CDC42BPB: variants seen among roughly 807,000 people sequenced by gnomAD.
CDC42BPB encodes the protein CDC42 binding protein kinase beta.
In CDC42BPB, 37 loss-of-function variants were observed where a neutral mutation model predicts 214.9. The observed-to-expected ratio is 0.17, with a 90% CI of 0.13 to 0.23. The LOEUF is 0.23. Ranked by LOEUF, CDC42BPB falls within the 10% of genes least tolerant of loss-of-function variation. The pLI, the probability that CDC42BPB is intolerant of heterozygous loss-of-function variation, is 1.00. For synonymous variants in CDC42BPB, 931 were observed against 884.0 expected, an observed-to-expected ratio of 1.05 and a Z score of -0.94; for missense variants, 1,694 against 2,227.0, an observed-to-expected ratio of 0.76 and a Z score of 4.82.
chr14:102,981,094 G>A, intron 7 of CDC42BPB, 73 bp from the exon 8 acceptor site: 2 of 1,586,228 alleles, frequency 1.3e-6, no homozygotes, highest in Admixed American at 1.8e-5. Flanking sequence ...AGATATGATA[G>A]GAAACAAAGT....
chr14:103,052,882 G>A (rs185300126), intron 1 of CDC42BPB, among the ~76,000 whole-genome samples: 22 of 152,310 alleles, frequency 1.4e-4, no homozygotes, highest in Admixed American at 1.2e-3. Context: ...CAAATAAGCT[G>A]TGGGAAAAAT....
intron 11 of CDC42BPB, chr14:102,974,362 C>T: frequency 1.0e-6 from 1 of 984,954 alleles, no homozygotes; most frequent in Non-Finnish European, 1.2e-6. Context: ...GCTGAACAGG[C>T]TCCCTAGACT....
At chr14:102,970,342 C>A (rs1159185726) in intron 13 of CDC42BPB, 81 bp from the exon 14 acceptor site, 1 of 1,520,338 alleles carries the variant, frequency 6.6e-7, no homozygotes, top group Non-Finnish European at 8.8e-7. Flanking sequence ...GGGACCTCCA[C>A]AAGAACAAGA....
chr14:102,959,661 A>G lies in CDC42BPB; in HGVS notation c.2871T>C (p.Thr957=), dbSNP rs752147964. The G allele has an allele frequency of 3.7e-6, 6 of 1,611,350 alleles. No individual in the cohort carries two copies. In the South Asian group the frequency reaches 4.4e-5, roughly 12 times the overall value. ...FQDSIFEYFN[T]APLAHDLTFR... is the part of the protein sequence containing the mutation. ...ATGTCAGGTCATGTGCAAGAGGAGC[A>G]GTGTTGAAATACTCAAAAATGGAAT... Residue 957 remains threonine (T), a synonymous_variant, in exon 21 of 37, where the codon ACT becomes ACC. Transcript: ENST00000361246.
At chr14:103,023,597 A>G (rs1886886703) in intron 1 of CDC42BPB, among the ~76,000 whole-genome samples, 1 of 152,198 alleles carries the variant, frequency 6.6e-6, no homozygotes, top group South Asian at 2.1e-4. Context: ...ATGAACCACT[A>G]TACCTGATCC....
At chr14:102,955,378 T>G (rs1276051748) in intron 21 of CDC42BPB, among the ~76,000 whole-genome samples, 1 of 152,142 alleles carries the variant, frequency 6.6e-6, no homozygotes, top group Non-Finnish European at 1.5e-5. Flanking sequence ...CGAGATCAAG[T>G]CATTGCACTC....
At chr14:103,040,569 T>C (rs1216983830) in intron 1 of CDC42BPB, among the ~76,000 whole-genome samples, 1 of 151,840 alleles carries the variant, frequency 6.6e-6, no homozygotes, top group Non-Finnish European at 1.5e-5. Context: ...GGCGATTCTT[T>C]CACCTCAGCC....
chr14:102,994,088 G>A (rs748641539), intron 5 of CDC42BPB, among the ~76,000 whole-genome samples: 4 of 152,166 alleles, frequency 2.6e-5, no homozygotes, highest in Non-Finnish European at 2.9e-5. Context: ...GTAAGGAGGC[G>A]CCGAGACACG....
chr14:102,954,784 G>A (rs2139408568), intron 21 of CDC42BPB, 96 bp from the exon 22 acceptor site: 1 of 1,500,588 alleles, frequency 6.7e-7, no homozygotes, highest in Non-Finnish European at 9.0e-7. Context: ...AGCAGATTCT[G>A]TCTAGCCCAG....
chr14:103,047,712 T>C (rs1052146287), intron 1 of CDC42BPB, among the ~76,000 whole-genome samples: 2 of 152,090 alleles, frequency 1.3e-5, no homozygotes, highest in Non-Finnish European at 2.9e-5. Flanking sequence ...GAGACCAGTC[T>C]GGGCAACATG....
chr14:102,999,531 G>A (rs777671782), intron 5 of CDC42BPB, 34 bp downstream of exon 5: 20 of 1,607,154 alleles, frequency 1.2e-5, no homozygotes, highest in East Asian at 4.5e-5. Flanking sequence ...ACAATTAAAC[G>A]TGGTTTCCAT....
At chr14:103,047,897 T>C (rs1888382824) in intron 1 of CDC42BPB, among the ~76,000 whole-genome samples, 3 of 65,042 alleles carry the variant, frequency 4.6e-5, no homozygotes, top group African/African-American at 8.9e-5. Flanking sequence ...AGCAAGACTC[T>C]GTGTCCAAAA....
At chr14:103,011,415 C>T (rs933004708) in intron 2 of CDC42BPB, among the ~76,000 whole-genome samples, 1 of 152,142 alleles carries the variant, frequency 6.6e-6, no homozygotes, top group Non-Finnish European at 1.5e-5. Context: ...AGTCAAAATT[C>T]AATTAACAAA....
At chr14:103,042,503 G>C (rs565879566) in intron 1 of CDC42BPB, among the ~76,000 whole-genome samples, 2 of 152,154 alleles carry the variant, frequency 1.3e-5, no homozygotes, top group East Asian at 3.9e-4. Context: ...GTAGAGATGG[G>C]GTTTCACCAT....
At chr14:102,938,470 G>C (rs564382541) in intron 34 of CDC42BPB, 59 bp from the exon 35 acceptor site, 460 of 1,503,988 alleles carry the variant, frequency 3.1e-4, no homozygotes, top group Non-Finnish European at 3.5e-4. Context: ...GGCCGGCTGC[G>C]AAGTTTGTGC....
chr14:102,940,635 T>G, intron 30 of CDC42BPB: 1 of 490,472 alleles, frequency 2.0e-6, no homozygotes, highest in East Asian at 4.7e-5. Flanking sequence ...TGAGATGTGA[T>G]TATCCTGAAA....
rs192437710 is a variant in CDC42BPB at position 103,005,912 on chromosome 14, C to T, written c.352-1889G>A. Among the ~76,000 whole-genome samples the T allele has an allele frequency of 6.3e-3, 934 of 148,732 alleles. 12 individuals are homozygous for T. The highest frequency in any genetic ancestry group is 0.022 in the African/African-American group (864 of 40,010). On this transcript the variant is annotated intron_variant, in intron 3 of 36. Coordinates refer to ENST00000361246, the MANE Select transcript of CDC42BPB (RefSeq NM_006035.4). ...GCGGGTGCCTGTAATCCCAGCTACT[C>T]GGGAGGCTGAGGCAGAGAATCGTTT...
chr14:102,988,441 C>G (rs1432015328), intron 5 of CDC42BPB, among the ~76,000 whole-genome samples: 2 of 151,076 alleles, frequency 1.3e-5, no homozygotes, highest in Non-Finnish European at 2.9e-5. Flanking sequence ...TTTTTTGAAG[C>G]CAGCCAAGTT....
intron 34 of CDC42BPB, among the ~76,000 whole-genome samples, chr14:102,939,139 CCG>C (rs1650708637): frequency 6.6e-6 from 1 of 152,064 alleles, no homozygotes; most frequent in Admixed American, 6.6e-5. Flanking sequence ...CAGGGTTTCA[CCG>C]TGTTAGCCAG....
Sources: gnomAD v4.1 joint callset for allele counts (sites outside exome capture counted in the v4.1 genomes callset) on GRCh38, gnomAD v4.1.1 for gene constraint, MANE v1.5 for transcripts, NCBI Gene and HGNC (gene_info 2026-07-23, HGNC 2026-07-21) for gene names.